NALF1: variants seen among roughly 807,000 people sequenced by gnomAD.
NALF1 encodes the protein family with sequence similarity 155 member A.
Under a neutral mutation model 48.4 loss-of-function variants are expected in NALF1, and 3 were observed. The ratio of observed to expected loss-of-function variants is 0.06; its 90% confidence interval spans 0.03 to 0.16. NALF1 has a LOEUF of 0.16. Among genes scored for constraint, NALF1 ranks in the 10% least tolerant of loss-of-function variants. The pLI, the probability that NALF1 is intolerant of heterozygous loss-of-function variation, is 1.00. For synonymous variants in NALF1, 262 were observed against 245.7 expected, an observed-to-expected ratio of 1.07 and a Z score of -0.62; for missense variants, 526 against 571.5, an observed-to-expected ratio of 0.92 and a Z score of 0.81.
chr13:107,696,295 T>C (rs916709534), intron 1 of NALF1, among the ~76,000 whole-genome samples: 11 of 152,250 alleles, frequency 7.2e-5, no homozygotes, highest in Admixed American at 3.3e-4. Context: ...TGGTAAAAGA[T>C]ATACTATTGT....
At chr13:107,605,646 T>A (rs1389872086) in intron 1 of NALF1, among the ~76,000 whole-genome samples, 1 of 152,176 alleles carries the variant, frequency 6.6e-6, no homozygotes, top group Non-Finnish European at 1.5e-5. Flanking sequence ...GAAATTTCCA[T>A]CTATGTACAT....
chr13:107,248,161 A>C (rs980997568), intron 1 of NALF1, among the ~76,000 whole-genome samples: 2 of 152,142 alleles, frequency 1.3e-5, no homozygotes, highest in African/African-American at 4.8e-5. Context: ...AAGAAAAAAG[A>C]GGACAAGAAG....
rs1566434024 is a variant in NALF1, at chr13:107,660,463, AC to A, written c.915+205218del. Among the ~76,000 whole-genome samples the A allele has an allele frequency of 2.0e-4, 24 of 122,434 alleles. 1 individual carries two copies. The South Asian group carries it at 4.7e-3, about 24-fold the overall frequency. 80.3% of individuals were successfully genotyped at this position (122,434 alleles called of 152,430 possible). ...CACACACACACACACACACACACAC[AC>A]ACACACACACACACACACACAACAA... is the stretch of plus-strand genomic sequence containing the variant. On this transcript the variant is annotated intron_variant, in intron 1 of 2. Transcript: ENST00000375915.
intron 2 of NALF1, 98 bp from the exon 3 acceptor site, chr13:107,170,884 T>A (rs949474463): frequency 5.6e-6 from 6 of 1,071,880 alleles, no homozygotes; most frequent in Non-Finnish European, 8.2e-6. Flanking sequence ...CACAAAATCT[T>A]ACAGGCAATT....
intron 2 of NALF1, among the ~76,000 whole-genome samples, chr13:107,189,599 G>A (rs1744647677): frequency 6.6e-6 from 1 of 152,152 alleles, no homozygotes; most frequent in African/African-American, 2.4e-5. Context: ...AGTGGGCATT[G>A]TCAGGATTGA....
chr13:107,536,414 C>T (rs550715023), intron 1 of NALF1, among the ~76,000 whole-genome samples: 196 of 152,172 alleles, frequency 1.3e-3, no homozygotes, highest in African/African-American at 4.3e-3. Flanking sequence ...AAAAAGTGGG[C>T]AAAGGATATG....
intron 1 of NALF1, among the ~76,000 whole-genome samples, chr13:107,357,293 G>A (rs561145707): frequency 6.6e-5 from 10 of 152,218 alleles, no homozygotes; most frequent in African/African-American, 1.9e-4. Context: ...AAAGGGGGAA[G>A]AGTCCCTTAT....
intron 1 of NALF1, among the ~76,000 whole-genome samples, chr13:107,244,308 C>T (rs940792272): frequency 1.3e-5 from 2 of 152,174 alleles, no homozygotes; most frequent in African/African-American, 4.8e-5. Flanking sequence ...CAAAGAGGCA[C>T]ACCATTGATA....
chr13:107,209,620 T>G (rs1471299129), intron 2 of NALF1, among the ~76,000 whole-genome samples: 1 of 152,220 alleles, frequency 6.6e-6, no homozygotes, highest in Non-Finnish European at 1.5e-5. Flanking sequence ...TAAGCGATGC[T>G]GAAATAATTT....
chr13:107,532,685 T>G (rs1170050161), intron 1 of NALF1, among the ~76,000 whole-genome samples: 1 of 152,110 alleles, frequency 6.6e-6, no homozygotes, highest in East Asian at 1.9e-4. Context: ...AGACCTCATT[T>G]CAACTTTAAT....
intron 1 of NALF1, among the ~76,000 whole-genome samples, chr13:107,710,211 A>C (rs184568485): frequency 4.9e-4 from 74 of 152,304 alleles, no homozygotes; most frequent in Admixed American, 4.6e-3. Flanking sequence ...AAGAAAAAAG[A>C]AGCACCAGTA....
chr13:107,537,772 C>G (rs374989947), intron 1 of NALF1, among the ~76,000 whole-genome samples: 57 of 152,036 alleles, frequency 3.7e-4, no homozygotes, highest in African/African-American at 1.3e-3. Context: ...AATCCCAGCA[C>G]TTTGGGAGGC....
At chr13:107,518,140 T>A (rs1876122376) in intron 1 of NALF1, among the ~76,000 whole-genome samples, 1 of 152,326 alleles carries the variant, frequency 6.6e-6, no homozygotes, top group Admixed American at 6.5e-5. Context: ...AGGATGGTAG[T>A]TTAATTTCTT....
intron 1 of NALF1, among the ~76,000 whole-genome samples, chr13:107,224,390 C>T (rs1226209467): frequency 1.3e-5 from 2 of 149,866 alleles, no homozygotes; most frequent in African/African-American, 2.4e-5. Context: ...ATTGTATATA[C>T]AAATGATACC....
chr13:107,176,316 G>GA lies in NALF1; in HGVS notation c.1088-5531_1088-5530insT, dbSNP rs777760773. Among the ~76,000 whole-genome samples, 244 of 123,558 alleles carry GA rather than the reference G, an allele frequency of 2.0e-3. 10 individuals are homozygous for GA. Among genetic ancestry groups the GA allele is most frequent in the African/African-American group, 5.9e-3 (186 of 31,656 alleles). 81.1% of individuals were successfully genotyped at this position (123,558 alleles called of 152,430 possible). On this transcript the variant is annotated intron_variant, in intron 2 of 2. Transcript: ENST00000375915. ...TTGACATTACAGTACCAACCTCACA[G>GA]TTTTTTTTTTTTTTTTTTTTTTTGA...
At chr13:107,799,395 C>G (rs1011544780) in intron 1 of NALF1, among the ~76,000 whole-genome samples, 2 of 152,162 alleles carry the variant, frequency 1.3e-5, no homozygotes, top group African/African-American at 4.8e-5. Context: ...TGGGAAAGTG[C>G]TCACTGAGCT....
chr13:107,369,531 A>G (rs1355843663), intron 1 of NALF1, among the ~76,000 whole-genome samples: 1 of 152,138 alleles, frequency 6.6e-6, no homozygotes, highest in Non-Finnish European at 1.5e-5. Context: ...ACTTAATAAT[A>G]AGTTTAATAG....
chr13:107,268,840 G>T (rs933169841), intron 1 of NALF1, among the ~76,000 whole-genome samples: 1 of 152,198 alleles, frequency 6.6e-6, no homozygotes, highest in African/African-American at 2.4e-5. Context: ...GAACAACAGG[G>T]TAGTCAAGAG....
chr13:107,751,776 T>C (rs896860001), intron 1 of NALF1, among the ~76,000 whole-genome samples: 1 of 152,122 alleles, frequency 6.6e-6, no homozygotes, highest in African/African-American at 2.4e-5. Context: ...TACCCTAAAA[T>C]AGACTTACAA....
Sources: gnomAD v4.1 joint callset for allele counts (sites outside exome capture counted in the v4.1 genomes callset) on GRCh38, gnomAD v4.1.1 for gene constraint, MANE v1.5 for transcripts, NCBI Gene and HGNC (gene_info 2026-07-23, HGNC 2026-07-21) for gene names.